RFX4: variants seen among roughly 807,000 people sequenced by gnomAD.
The protein encoded by RFX4 is regulatory factor X4, also known as transcription factor RFX4.
A neutral mutation model predicts 95.0 loss-of-function variants in RFX4; 10 were observed. That is an observed-to-expected ratio of 0.11 (90% CI 0.06 to 0.18). RFX4 has a LOEUF of 0.18. Ranked by LOEUF, RFX4 falls within the 10% of genes least tolerant of loss-of-function variation. RFX4 has a pLI of 1.00. For missense variants in RFX4, 640 were observed against 922.0 expected (o/e 0.69, Z 3.96); for synonymous variants, 321 against 340.7 (o/e 0.94, Z 0.64).
intron 15 of RFX4, among the ~76,000 whole-genome samples, chr12:106,734,075 A>G (rs190364748): frequency 1.3e-5 from 2 of 152,354 alleles, no homozygotes; most frequent in East Asian, 3.9e-4. Context: ...CCAGACACAG[A>G]AGGACAAATA....
At chr12:106,619,487 G>T (rs1280071336) in intron 2 of RFX4, among the ~76,000 whole-genome samples, 1 of 152,038 alleles carries the variant, frequency 6.6e-6, no homozygotes, top group South Asian at 2.1e-4. Context: ...AATGCAATGT[G>T]TCTTTTTGTC....
intron 2 of RFX4, among the ~76,000 whole-genome samples, chr12:106,626,647 G>A (rs568990708): frequency 1.4e-3 from 219 of 152,220 alleles, no homozygotes; most frequent in Non-Finnish European, 2.4e-3. Flanking sequence ...GACACATCAG[G>A]GCTGCTACCT....
chr12:106,732,017 A>T, intron 13 of RFX4, 113 bp from the exon 14 acceptor site: 1 of 1,446,760 alleles, frequency 6.9e-7, no homozygotes, highest in African/African-American at 1.4e-5. Flanking sequence ...GTGGAAAATT[A>T]GACTCTTGAG....
intron 13 of RFX4, among the ~76,000 whole-genome samples, chr12:106,722,964 C>G (rs965493442): frequency 1.3e-5 from 2 of 152,212 alleles, no homozygotes; most frequent in Admixed American, 1.3e-4. Context: ...GGGGCCAGCT[C>G]TATATATCTT....
chr12:106,650,078 C>T (rs978203191), intron 3 of RFX4, among the ~76,000 whole-genome samples: 2 of 152,176 alleles, frequency 1.3e-5, no homozygotes, highest in Non-Finnish European at 2.9e-5. Flanking sequence ...TGGGCCACCT[C>T]CCCTAGAGGT....
At chr12:106,721,625 C>G (rs990212598) in intron 13 of RFX4, among the ~76,000 whole-genome samples, 3 of 152,176 alleles carry the variant, frequency 2.0e-5, no homozygotes, top group African/African-American at 7.2e-5. Flanking sequence ...TGAGATGGGA[C>G]TTTTAGGCAT....
chr12:106,602,026 C>G (rs1274766575), intron 1 of RFX4, among the ~76,000 whole-genome samples: 1 of 152,200 alleles, frequency 6.6e-6, no homozygotes, highest in Non-Finnish European at 1.5e-5. Flanking sequence ...ATACCAAACA[C>G]TCCTGGTACC....
intron 7 of RFX4, among the ~76,000 whole-genome samples, chr12:106,690,581 T>TGG (rs34295126): frequency 3.2e-4 from 48 of 152,138 alleles, no homozygotes; most frequent in Non-Finnish European, 5.6e-4. Context: ...GGCTGGTTGC[T>TGG]GGGGGGTGAT....
chr12:106,701,880 A>C (rs902780843), intron 8 of RFX4, among the ~76,000 whole-genome samples: 1 of 152,156 alleles, frequency 6.6e-6, no homozygotes, highest in African/African-American at 2.4e-5. Context: ...AGCTGGGTAT[A>C]GTGGCTTGTG....
chr12:106,650,032 A>C (rs2040828360), intron 3 of RFX4, among the ~76,000 whole-genome samples: 1 of 152,190 alleles, frequency 6.6e-6, no homozygotes, highest in Non-Finnish European at 1.5e-5. Context: ...AGTCCTAATT[A>C]ATCAGCCACT....
chr12:106,610,907 GGCT>G (rs1275088770), intron 2 of RFX4, among the ~76,000 whole-genome samples: 1 of 152,046 alleles, frequency 6.6e-6, no homozygotes, highest in Non-Finnish European at 1.5e-5. Flanking sequence ...TTTTCATAGT[GGCT>G]GCGTCATTTT....
chr12:106,675,887 C>T (rs376360954), intron 4 of RFX4, among the ~76,000 whole-genome samples: 4 of 151,942 alleles, frequency 2.6e-5, no homozygotes, highest in Middle Eastern at 3.2e-3. Flanking sequence ...TGGGAGAGGA[C>T]GGGGAGAGGT....
At position 106,687,198 on chromosome 12, in the gene RFX4, A is replaced by T. The variant is rs896227784; in HGVS notation, c.591+101A>T. On this transcript the variant is annotated intron_variant, in intron 6 of 17. Transcript: ENST00000392842. ...CTCTCTCTCTCACACACACACACAC[A>T]CACACACACACACACACACACACAC... 1.1e-3 allele frequency: 795 copies of T among 701,384 alleles called. 4 individuals carry two copies. The highest frequency in any genetic ancestry group is 7.4e-3 in the African/African-American group (407 of 54,710). 43.4% of individuals were successfully genotyped at this position (701,384 alleles called of 1,614,324 possible).
chr12:106,591,764 G>GA (rs1012105630), intron 1 of RFX4, among the ~76,000 whole-genome samples: 1 of 152,182 alleles, frequency 6.6e-6, no homozygotes, highest in African/African-American at 2.4e-5. Flanking sequence ...ATAATAGAAT[G>GA]AAGCAAAAGC....
At chr12:106,599,260 T>G (rs1378553158) in intron 1 of RFX4, among the ~76,000 whole-genome samples, 2 of 152,070 alleles carry the variant, frequency 1.3e-5, no homozygotes, top group Non-Finnish European at 2.9e-5. Flanking sequence ...TTTTACATAT[T>G]GAGTTTCCCT....
At position 106,686,958 on chromosome 12, in the gene RFX4, C is replaced by A. The variant is rs1483176176; in HGVS notation, c.452C>A (p.Ala151Asp). Reference sequence around the variant, plus strand: ...GTGATGTATTCCAAGAAAGGAGCTGCCTGGGTGAGTGAGACGGGCAAGAAA... The same window carrying A: ...GTGATGTATTCCAAGAAAGGAGCTGACTGGGTGAGTGAGACGGGCAAGAAA... ...YDVMYSKKGA[A>D]WVSETGKKEV... Residue 151 changes from alanine (A) to aspartate (D), a missense_variant, in exon 6 of 18, where the codon GCC (alanine) becomes GAC (aspartate). Physicochemically the swap from Ala to Asp is moderately radical, Grantham distance 126. Around this residue, in one of 7 missense-constraint regions of RFX4, gnomAD observed 89 missense variants for 173.8 expected, o/e 0.51. Coordinates refer to ENST00000392842, the MANE Select transcript of RFX4 (RefSeq NM_213594.3). 2 of 1,613,632 alleles carry A rather than the reference C, an allele frequency of 1.2e-6. No homozygotes were observed. Among genetic ancestry groups the A allele is most frequent in the African/African-American group, 2.7e-5 (2 of 74,746 alleles).
chr12:106,614,163 A>G (rs1033346805), intron 2 of RFX4, among the ~76,000 whole-genome samples: 1 of 150,732 alleles, frequency 6.6e-6, no homozygotes, highest in African/African-American at 2.4e-5. Context: ...TTACCTCTTC[A>G]TGTCTTTTTT....
intron 2 of RFX4, among the ~76,000 whole-genome samples, chr12:106,611,111 A>G (rs2039953974): frequency 6.6e-6 from 1 of 152,152 alleles, no homozygotes; most frequent in Non-Finnish European, 1.5e-5. Flanking sequence ...CACCATTTGC[A>G]TATCTTCTTT....
chr12:106,645,058 T>A (rs986186656), intron 3 of RFX4, among the ~76,000 whole-genome samples: 4 of 145,590 alleles, frequency 2.7e-5, no homozygotes, highest in East Asian at 2.0e-4. Flanking sequence ...CTAGAACAAA[T>A]AACACCGCTC....
Sources: gnomAD v4.1 joint callset for allele counts (sites outside exome capture counted in the v4.1 genomes callset) on GRCh38, gnomAD v4.1.1 for gene constraint, gnomAD v4.1.1 regional missense constraint, MANE v1.5 for transcripts, NCBI Gene and HGNC (gene_info 2026-07-23, HGNC 2026-07-21) for gene names.